Variants in NFIC observed in about 807,000 individuals in gnomAD.
The protein encoded by NFIC is nuclear factor 1 C-type.
NFIC carries 12 observed loss-of-function variants against 54.4 expected under a neutral mutation model. That is an observed-to-expected ratio of 0.22 (90% CI 0.14 to 0.36). The LOEUF (loss-of-function observed/expected upper bound fraction) is 0.36. Ranked by LOEUF, NFIC falls within the 10% of genes least tolerant of loss-of-function variation. The probability of loss-of-function intolerance (pLI) is 1.00; values close to 1 mark genes in which losing one functional copy is unlikely to be tolerated. For synonymous variants in NFIC, 322 were observed against 319.2 expected (o/e 1.01, Z -0.09); for missense variants, 575 against 718.2 (o/e 0.80, Z 2.28).
chr19:3,375,070 G>A lies in NFIC; in HGVS notation c.31-6642G>A, dbSNP rs569347944. Among the ~76,000 whole-genome samples, 2 of 151,284 alleles carry A rather than the reference G, an allele frequency of 1.3e-5. No individual in the cohort carries two copies. The highest frequency in any genetic ancestry group is 1.9e-4 in the East Asian group (1 of 5,140). ...GAGGAGGAAGGGAACTCAGATCTAC[G>A]AGGGGCCAGATGAGAAAAGGAATTA... On this transcript the variant is annotated intron_variant, in intron 1 of 10. Transcript: ENST00000443272. The surrounding 1 kb of genome is among the most constrained non-coding windows in gnomAD (Gnocchi z 4.6).
At chr19:3,455,308 G>A (rs61256541) in intron 9 of NFIC, among the ~76,000 whole-genome samples, 2,745 of 150,556 alleles carry the variant, frequency 0.018, 74 homozygotes, top group African/African-American at 0.064. Context: ...CTCAGGGCTC[G>A]ATGGGATTAT....
chr19:3,372,123 C>T (rs1245123486), intron 1 of NFIC, among the ~76,000 whole-genome samples: 18 of 151,326 alleles, frequency 1.2e-4, no homozygotes, highest in Admixed American at 9.9e-4. Context: ...TGGGTTCACG[C>T]GATTCTCCTA....
At chr19:3,462,002 C>T (rs1174749497) in intron 10 of NFIC, among the ~76,000 whole-genome samples, 3 of 151,146 alleles carry the variant, frequency 2.0e-5, no homozygotes, top group South Asian at 2.1e-4. Context: ...TGCAATGAGC[C>T]GAGATCATGC....
chr19:3,392,630 G>A (rs1259706365), intron 2 of NFIC, among the ~76,000 whole-genome samples: 7 of 152,320 alleles, frequency 4.6e-5, no homozygotes, highest in East Asian at 1.9e-4. Flanking sequence ...GATGCCCCCC[G>A]TTATGGCTGG....
rs1214434844 is a variant in NFIC, at chr19:3,419,341, G to A, written c.563-5765G>A. 3.9e-5 allele frequency among the ~76,000 whole-genome samples: 6 copies of A among 152,054 alleles called. No homozygotes were observed. The South Asian group carries it at 1.2e-3, about 32-fold the overall frequency. ...AAACTAATTTTGGCCAGGCATGGTG[G>A]TGCTCACCCATGGTTCCAATTACTC... is the stretch of plus-strand genomic sequence containing the variant. On this transcript the variant is annotated intron_variant, in intron 2 of 10. Coordinates refer to ENST00000443272, the MANE Select transcript of NFIC (RefSeq NM_001245002.2).
At chr19:3,359,747 CG>C in intron 1 of NFIC, 2 of 1,367,924 alleles carry the variant, frequency 1.5e-6, no homozygotes, top group Middle Eastern at 2.3e-4. Flanking sequence ...GCGTGGGCTC[CG>C]GGCGAAAGTT....
At chr19:3,455,217 C>T (rs2082532960) in intron 9 of NFIC, among the ~76,000 whole-genome samples, 1 of 152,250 alleles carries the variant, frequency 6.6e-6, no homozygotes, top group Non-Finnish European at 1.5e-5. Context: ...GCATAGGATC[C>T]AGTCAGGGCT....
intron 2 of NFIC, among the ~76,000 whole-genome samples, chr19:3,384,321 C>A (rs2081258889): frequency 6.6e-6 from 1 of 151,946 alleles, no homozygotes; most frequent in African/African-American, 2.4e-5. Context: ...CCCACCTTGG[C>A]CTCCCAAAGT....
Position 3,463,539 on chromosome 19 carries a change from C to G in NFIC, c.*770C>G, listed in dbSNP as rs966396272. 1 of 985,048 alleles carries G rather than the reference C, an allele frequency of 1.0e-6. No homozygotes were observed. The highest frequency in any genetic ancestry group is 1.2e-6 in the Non-Finnish European group (1 of 829,842). The allele number at this position is 985,048 out of a possible 1,614,324, so 61.0% of individuals were successfully genotyped here. A position where few individuals can be genotyped will look rare whatever the true frequency, so the allele number is the denominator to read the frequency against. On this transcript the variant is annotated 3_prime_UTR_variant, in exon 11 of 11. Coordinates refer to ENST00000443272, the MANE Select transcript of NFIC (RefSeq NM_001245002.2). ...CACAAGCCCCTCCCAAAGCGCCGGC[C>G]GACTCGCTGTCTCGCTGGGGACTCT...
At chr19:3,372,322 C>A (rs1036462824) in intron 1 of NFIC, among the ~76,000 whole-genome samples, 1 of 152,112 alleles carries the variant, frequency 6.6e-6, no homozygotes, top group Non-Finnish European at 1.5e-5. Flanking sequence ...TGCCCGGCCT[C>A]TGTTAGTCTT....
intron 5 of NFIC, 175 bp from the exon 6 acceptor site, chr19:3,434,908 G>T (rs964275764): frequency 2.4e-6 from 2 of 833,502 alleles, no homozygotes; most frequent in Admixed American, 3.0e-5. Context: ...CAATGGACAG[G>T]TTGGAACAGG....
rs555398380 is a variant in NFIC at position 3,359,848 on chromosome 19, C to T, written c.3+163C>T. On this transcript the variant is annotated intron_variant, in intron 1 of 9. Transcript: ENST00000395111. ...CTCGCCAGTCGCCACGGGACCCCTA[C>T]CCACGATCCCCCCCCGCACCCCGGC... 3.5e-3 allele frequency among the ~76,000 whole-genome samples: 522 copies of T among 150,592 alleles called. 5 individuals are homozygous for T. Among genetic ancestry groups the T allele is most frequent in the African/African-American group, 0.011 (452 of 41,258 alleles).
At chr19:3,447,371 C>T (rs145433343) in intron 6 of NFIC, among the ~76,000 whole-genome samples, 1,772 of 152,032 alleles carry the variant, frequency 0.012, 43 homozygotes, top group African/African-American at 0.04. Context: ...GACTCCACCC[C>T]AGCCTCCTGG....
chr19:3,455,129 G>A (rs2082531906), intron 9 of NFIC, among the ~76,000 whole-genome samples: 1 of 152,266 alleles, frequency 6.6e-6, no homozygotes, highest in African/African-American at 2.4e-5. Flanking sequence ...GGCGCCTGAT[G>A]CTGCGTGGTG....
intron 1 of NFIC, among the ~76,000 whole-genome samples, chr19:3,373,651 C>T (rs1475197967): frequency 7.5e-6 from 1 of 134,152 alleles, no homozygotes. Context: ...CCCCCCACCC[C>T]AGAGATTCTC....
intron 3 of NFIC, among the ~76,000 whole-genome samples, chr19:3,426,267 CAG>C (rs2082026442): frequency 6.6e-6 from 1 of 151,728 alleles, no homozygotes; most frequent in South Asian, 2.1e-4. Context: ...TTTGTAGAGA[CAG>C]AGTCTCACTA....
intron 2 of NFIC, among the ~76,000 whole-genome samples, chr19:3,383,413 G>A (rs1300512499): frequency 6.6e-6 from 1 of 152,192 alleles, no homozygotes; most frequent in Non-Finnish European, 1.5e-5. Context: ...GGAGCGTGGA[G>A]ATGAGAGGCC....
chr19:3,382,317 C>A, intron 2 of NFIC, 74 bp downstream of exon 2: 1 of 1,545,662 alleles, frequency 6.5e-7, no homozygotes, highest in Non-Finnish European at 8.7e-7. Context: ...GCCAGGAGGG[C>A]CTGAGGGAGG....
chr19:3,449,912 G>T (rs150038320), intron 7 of NFIC, among the ~76,000 whole-genome samples: 93 of 149,696 alleles, frequency 6.2e-4, no homozygotes, highest in Admixed American at 1.6e-3. Context: ...AAAATTAGCC[G>T]AGTGTGGTGG....
Sources: allele counts gnomAD v4.1 joint callset (sites outside exome capture counted in the v4.1 genomes callset), GRCh38; gene constraint gnomAD v4.1.1; non-coding constraint Gnocchi (gnomAD v3.1); transcripts MANE v1.5; gene names NCBI Gene and HGNC (gene_info 2026-07-23, HGNC 2026-07-21).